Variants in CCDC171 observed in about 807,000 individuals in gnomAD.
CCDC171 encodes coiled-coil domain containing 171, also known as coiled-coil domain-containing protein 171.
CCDC171 carries 177 observed loss-of-function variants against 168.2 expected under a neutral mutation model. That is an observed-to-expected ratio of 1.05 (90% confidence interval 0.93 to 1.19). The LOEUF is 1.19. Ranked by LOEUF, CCDC171 falls within the 50% of genes most tolerant of loss-of-function variation. The probability of loss-of-function intolerance (pLI) is 0.00; values close to 1 mark genes in which losing one functional copy is unlikely to be tolerated. For synonymous variants in CCDC171, 687 were observed against 540.8 expected, an observed-to-expected ratio of 1.27 and a Z score of -3.75; for missense variants, 1,991 against 1,539.0, an observed-to-expected ratio of 1.29 and a Z score of -4.91.
At chr9:15,876,061 C>T (rs906301394) in intron 24 of CCDC171, 1 of 151,964 alleles carries the variant, frequency 6.6e-6, no homozygotes, top group Non-Finnish European at 1.5e-5. Flanking sequence ...TCGTAATTTA[C>T]AAGTAAAGAC....
chr9:16,057,377 C>T (rs1419874290), intron 1 of CCDC171, among the ~76,000 whole-genome samples: 2 of 152,170 alleles, frequency 1.3e-5, no homozygotes, highest in African/African-American at 4.8e-5. Context: ...AGGGAACTTC[C>T]CCCAGGAACT....
chr9:15,997,459 G>A (rs889532808), intron 3 of CCDC171, among the ~76,000 whole-genome samples: 1 of 152,160 alleles, frequency 6.6e-6, no homozygotes, highest in Non-Finnish European at 1.5e-5. Flanking sequence ...GTTGAAGGGA[G>A]TTCAGAGTGG....
chr9:15,739,533 C>T (rs2054712346), intron 16 of CCDC171, among the ~76,000 whole-genome samples: 1 of 152,142 alleles, frequency 6.6e-6, no homozygotes, highest in Non-Finnish European at 1.5e-5. Flanking sequence ...ATCAGTAAAA[C>T]TGTGCCAACC....
rs377688604 is a variant in CCDC171 at position 15,851,785 on chromosome 9, A to G, written c.3468+2838A>G. On this transcript the variant is annotated intron_variant, in intron 23 of 25. Transcript: ENST00000380701. ...AAACACTGACCTGCCTTCTGTCTCT[A>G]TGGATTTTTCTGTTCTGGACATTTA... Among the ~76,000 whole-genome samples, 8 of 151,902 alleles carry G rather than the reference A, an allele frequency of 5.3e-5. No individual in the cohort carries two copies. In the East Asian group the frequency reaches 5.8e-4, roughly 11 times the overall value.
chr9:15,986,232 G>A (rs1447992900), intron 3 of CCDC171, among the ~76,000 whole-genome samples: 1 of 152,196 alleles, frequency 6.6e-6, no homozygotes, highest in African/African-American at 2.4e-5. Flanking sequence ...GCAAAGAATT[G>A]ACCAATATGT....
intron 3 of CCDC171, among the ~76,000 whole-genome samples, chr9:16,001,772 A>G (rs1344033032): frequency 6.6e-6 from 1 of 152,128 alleles, no homozygotes; most frequent in Non-Finnish European, 1.5e-5. Flanking sequence ...TCTGGCACTA[A>G]AATTATGTAT....
intron 7 of CCDC171, among the ~76,000 whole-genome samples, chr9:15,632,574 A>G (rs1342874712): frequency 6.6e-6 from 1 of 152,312 alleles, no homozygotes; most frequent in Middle Eastern, 3.4e-3. Context: ...AAGAATCAAT[A>G]TCGTGAAAAT....
At chr9:15,778,789 A>G (rs993585905) in intron 19 of CCDC171, among the ~76,000 whole-genome samples, 179 bp from the exon 20 acceptor site, 3 of 152,008 alleles carry the variant, frequency 2.0e-5, no homozygotes, top group Non-Finnish European at 4.4e-5. Flanking sequence ...CCAGATGTTC[A>G]TTTTTCATAA....
intron 7 of CCDC171, among the ~76,000 whole-genome samples, chr9:15,642,807 T>C (rs549032858): frequency 7.0e-4 from 106 of 152,276 alleles, no homozygotes; most frequent in African/African-American, 2.2e-3. Context: ...CCCTGTGTTT[T>C]GCTCTAAGCA....
chr9:15,854,973 T>C (rs1179475109), intron 23 of CCDC171, among the ~76,000 whole-genome samples: 2 of 151,772 alleles, frequency 1.3e-5, no homozygotes, highest in Admixed American at 6.6e-5. Context: ...TTTTTAAGTT[T>C]GTTAAAGTTC....
At chr9:15,795,203 G>C (rs2058490435) in intron 21 of CCDC171, among the ~76,000 whole-genome samples, 1 of 152,094 alleles carries the variant, frequency 6.6e-6, no homozygotes, top group African/African-American at 2.4e-5. Flanking sequence ...CATTCTCTGG[G>C]GGAAGGAAGT....
At chr9:15,873,222 T>C (rs571199035) in intron 23 of CCDC171, among the ~76,000 whole-genome samples, 30 of 152,060 alleles carry the variant, frequency 2.0e-4, no homozygotes, top group Admixed American at 3.3e-4. Context: ...AGAAACTCAA[T>C]AGAGTTTGTT....
At chr9:15,859,544 T>G (rs976710039) in intron 23 of CCDC171, among the ~76,000 whole-genome samples, 2 of 152,004 alleles carry the variant, frequency 1.3e-5, no homozygotes, top group African/African-American at 4.8e-5. Flanking sequence ...AGATTTTTGA[T>G]TACTGAGTCA....
chr9:15,572,153 TC>T (rs2040277741), intron 3 of CCDC171, among the ~76,000 whole-genome samples: 1 of 152,180 alleles, frequency 6.6e-6, no homozygotes, highest in South Asian at 2.1e-4. Flanking sequence ...ATAGTTCAGT[TC>T]ATAAATTGTC....
At chr9:16,007,581 C>G (rs1221766571) in intron 3 of CCDC171, among the ~76,000 whole-genome samples, 1 of 152,140 alleles carries the variant, frequency 6.6e-6, no homozygotes, top group East Asian at 1.9e-4. Context: ...ATATGTAAGT[C>G]TTTAATCCAT....
At chr9:15,717,837 C>T (rs765348104) in intron 11 of CCDC171, among the ~76,000 whole-genome samples, 10 of 152,288 alleles carry the variant, frequency 6.6e-5, no homozygotes, top group South Asian at 2.1e-4. Flanking sequence ...CAGCAATACC[C>T]GTGTAGTACA....
rs73410281 is a variant in CCDC171, at chr9:15,576,625, C to G, written c.178-2224C>G. Among the ~76,000 whole-genome samples the G allele has an allele frequency of 6.6e-5, 10 of 152,256 alleles. No individual in the cohort carries two copies. The East Asian group carries it at 1.9e-3, about 29-fold the overall frequency. ...GCCAGGAAAGTGCTAGTATTTTGAC[C>G]TTATGAAATGATTGTAGGCTAATGT... On this transcript the variant is annotated intron_variant, in intron 3 of 25. Transcript: ENST00000380701.
intron 6 of CCDC171, among the ~76,000 whole-genome samples, chr9:15,603,308 G>C (rs557220373): frequency 1.3e-5 from 2 of 152,230 alleles, no homozygotes; most frequent in East Asian, 3.9e-4. Context: ...AGTTACATAG[G>C]TACACATGTG....
chr9:16,092,485 C>G, the CCDC171 span, among the ~76,000 whole-genome samples: 1 of 152,172 alleles, frequency 6.6e-6, no homozygotes, highest in East Asian at 1.9e-4. Context: ...TGCTCCACTT[C>G]CCCCTTTGTT....
Sources: allele counts gnomAD v4.1 joint callset (sites outside exome capture counted in the v4.1 genomes callset), GRCh38; gene constraint gnomAD v4.1.1; transcripts MANE v1.5; gene names NCBI Gene and HGNC (gene_info 2026-07-23, HGNC 2026-07-21).